Variants in POPDC3 observed in about 807,000 individuals in gnomAD.
POPDC3 encodes popeye domain-containing protein 3.
POPDC3 carries 20 observed loss-of-function variants against 28.2 expected under a neutral mutation model. That is an observed-to-expected ratio of 0.71 (90% CI 0.50 to 1.03). The LOEUF is 1.03. Among genes scored for constraint, POPDC3 ranks in the 50% least tolerant of loss-of-function variants. POPDC3 has a pLI of 0.00. For synonymous variants in POPDC3, 118 were observed against 124.1 expected, an observed-to-expected ratio of 0.95 and a Z score of 0.33; for missense variants, 316 against 345.9, an observed-to-expected ratio of 0.91 and a Z score of 0.69.
rs1041793055 is a variant in POPDC3 at position 105,158,293 on chromosome 6, T to G, written c.*177A>C. On this transcript the variant is annotated 3_prime_UTR_variant, in exon 4 of 4. Transcript: ENST00000254765. Reference sequence around the variant, plus strand: ...AACAATGAGAAATACAAGAAAAATTTGTAAAGTTTATTCACAATGCAGTTG... The same window carrying G: ...AACAATGAGAAATACAAGAAAAATTGGTAAAGTTTATTCACAATGCAGTTG... The G allele has an allele frequency of 1.9e-6, 1 of 531,652 alleles. No individual in the cohort carries two copies. The highest frequency in any genetic ancestry group is 3.2e-6 in the Non-Finnish European group (1 of 315,184). The allele number at this position is 531,652 out of a possible 1,614,324, so 32.9% of individuals were successfully genotyped here. A position where few individuals can be genotyped will look rare whatever the true frequency, so the allele number is the denominator to read the frequency against.
At chr6:105,175,623 C>T (rs1282930500) in intron 1 of POPDC3, among the ~76,000 whole-genome samples, 2 of 152,034 alleles carry the variant, frequency 1.3e-5, no homozygotes, top group Non-Finnish European at 2.9e-5. Context: ...GGGAGGATCA[C>T]CTGAGGTCAG....
intron 1 of POPDC3, among the ~76,000 whole-genome samples, chr6:105,162,968 G>A (rs1395024588): frequency 6.6e-6 from 1 of 152,152 alleles, no homozygotes; most frequent in African/African-American, 2.4e-5. Context: ...GCCACACAGT[G>A]GTCACTGGCA....
intron 1 of POPDC3, among the ~76,000 whole-genome samples, chr6:105,171,932 T>A (rs1443175072): frequency 6.6e-6 from 1 of 150,996 alleles, no homozygotes; most frequent in African/African-American, 2.4e-5. Context: ...AATCCTCCCA[T>A]CTTGGCCTCC....
intron 1 of POPDC3, among the ~76,000 whole-genome samples, 191 bp downstream of exon 1, chr6:105,179,642 G>T (rs1774745132): frequency 6.6e-6 from 1 of 152,132 alleles, no homozygotes; most frequent in Non-Finnish European, 1.5e-5. Flanking sequence ...CGGACCCCAG[G>T]GCGCGGAGTT....
chr6:105,159,509 G>A (rs563667583), intron 3 of POPDC3, among the ~76,000 whole-genome samples: 9 of 152,284 alleles, frequency 5.9e-5, no homozygotes, highest in African/African-American at 2.2e-4. Flanking sequence ...TGTAGCACCT[G>A]TTCTTCTCAT....
At chr6:105,179,510 G>A (rs1228638859) in intron 1 of POPDC3, among the ~76,000 whole-genome samples, 2 of 152,150 alleles carry the variant, frequency 1.3e-5, no homozygotes, top group East Asian at 3.9e-4. Flanking sequence ...AGGAATATTC[G>A]CCCAGAAGCC....
intron 1 of POPDC3, among the ~76,000 whole-genome samples, chr6:105,178,487 C>G (rs1774720654): frequency 6.6e-6 from 1 of 151,712 alleles, no homozygotes; most frequent in African/African-American, 2.4e-5. Flanking sequence ...CAAATATTTC[C>G]CATTTAAATG....
chr6:105,177,746 A>G (rs7772014), intron 1 of POPDC3, among the ~76,000 whole-genome samples: 17,332 of 152,108 alleles, frequency 0.11, 2,342 homozygotes, highest in African/African-American at 0.33. Flanking sequence ...CTACCCCACA[A>G]CACCTTCCTT....
chr6:105,158,937 A>G (rs1313066374), intron 3 of POPDC3, 186 bp from the exon 4 acceptor site: 3 of 458,200 alleles, frequency 6.5e-6, no homozygotes, highest in Non-Finnish European at 1.2e-5. Flanking sequence ...GTAATTTATA[A>G]TATGAATAAT....
chr6:105,159,391 C>T (rs181534637), intron 3 of POPDC3, among the ~76,000 whole-genome samples: 3 of 152,242 alleles, frequency 2.0e-5, no homozygotes, highest in Non-Finnish European at 2.9e-5. Context: ...GTTTTCTAGA[C>T]GTCGCATTAG....
chr6:105,161,524 A>C lies in POPDC3; in HGVS notation c.386T>G (p.Ile129Ser). 1 of 1,614,204 alleles carries C rather than the reference A, an allele frequency of 6.2e-7. No individual in the cohort carries two copies. The highest frequency in any genetic ancestry group is 8.5e-7 in the Non-Finnish European group (1 of 1,180,032). The change falls in exon 2 of 4, where the codon ATT becomes AGT. Residue 129 changes from isoleucine to serine, a missense_variant. Physicochemically the swap from Ile to Ser is moderately radical, Grantham distance 142. Coordinates refer to ENST00000254765, the MANE Select transcript of POPDC3 (RefSeq NM_022361.5). ...AGTAACCACTTCAGAGCTCAAAGCA[A>C]TCGTTCTGAAGACAGGCAAAGAGAT... Reference protein sequence around the residue: ...LGISLPVFRTIALSSEVVTLE... With the variant: ...LGISLPVFRTSALSSEVVTLE...
At chr6:105,169,684 T>C (rs1774535139) in intron 1 of POPDC3, 1 of 152,190 alleles carries the variant, frequency 6.6e-6, no homozygotes, top group South Asian at 2.1e-4. Flanking sequence ...GGGAAGGCAA[T>C]ATCCAGCTGT....
At chr6:105,159,476 A>G (rs1441429420) in intron 3 of POPDC3, among the ~76,000 whole-genome samples, 1 of 152,246 alleles carries the variant, frequency 6.6e-6, no homozygotes, top group African/African-American at 2.4e-5. Context: ...TAAAGTATTG[A>G]TCACAGCCTC....
chr6:105,174,603 G>T (rs1774647529), intron 1 of POPDC3, among the ~76,000 whole-genome samples: 1 of 152,318 alleles, frequency 6.6e-6, no homozygotes, highest in East Asian at 1.9e-4. Context: ...CACACCGAAA[G>T]TTGAGCATAC....
At position 105,162,099 on chromosome 6, in the gene POPDC3, C is replaced by T. The variant is rs545101933; in HGVS notation, c.-190G>A. On this transcript the variant is annotated 5_prime_UTR_variant, in exon 2 of 4. Transcript: ENST00000254765. The stretch of plus-strand genomic sequence containing the variant: ...CTTGAAAAACTAAGAATCCCATGCT[C>T]GCTTCTTTAAGTTCATCTGGGCTCC... 9 of 1,321,954 alleles carry T rather than the reference C, an allele frequency of 6.8e-6. No homozygotes were observed. In the Admixed American group the frequency reaches 1.1e-4, roughly 16 times the overall value. The allele number at this position is 1,321,954 out of a possible 1,614,324, so 81.9% of individuals were successfully genotyped here.
chr6:105,159,666 T>A (rs1774275670), intron 3 of POPDC3, 45 bp downstream of exon 3: 1 of 1,024,274 alleles, frequency 9.8e-7, no homozygotes. Context: ...AACAAACATC[T>A]GTTTGAAAGA....
At chr6:105,167,234 AAGTC>A (rs1225265630) in intron 1 of POPDC3, among the ~76,000 whole-genome samples, 2 of 152,128 alleles carry the variant, frequency 1.3e-5, no homozygotes, top group African/African-American at 2.4e-5. Context: ...GTTAGGGAAA[AAGTC>A]AGAGGAAAAA....
chr6:105,172,644 CA>C (rs1774602048), intron 1 of POPDC3, among the ~76,000 whole-genome samples: 1 of 150,622 alleles, frequency 6.6e-6, no homozygotes, highest in Non-Finnish European at 1.5e-5. Flanking sequence ...CCCAAATGTC[CA>C]ACAATGAGAG....
intron 1 of POPDC3, among the ~76,000 whole-genome samples, chr6:105,175,421 C>T (rs969337024): frequency 6.6e-6 from 1 of 151,370 alleles, no homozygotes; most frequent in African/African-American, 2.4e-5. Flanking sequence ...GCCTGTAGTC[C>T]CAGCTACATG....
Sources: allele counts gnomAD v4.1 joint callset (sites outside exome capture counted in the v4.1 genomes callset), GRCh38; gene constraint gnomAD v4.1.1; transcripts MANE v1.5; gene names NCBI Gene and HGNC (gene_info 2026-07-23, HGNC 2026-07-21).